The following BMPR1A variants were observed in gnomAD, a reference collection of about 807,000 sequenced individuals.
BMPR1A encodes bone morphogenetic protein receptor type 1A.
Under a neutral mutation model 66.0 loss-of-function variants are expected in BMPR1A, and 7 were observed. The observed-to-expected ratio is 0.11, with a 90% CI of 0.06 to 0.20. The LOEUF is 0.20. Among genes scored for constraint, BMPR1A ranks in the 10% least tolerant of loss-of-function variants. BMPR1A has a pLI of 1.00. For missense variants in BMPR1A, 408 were observed against 669.1 expected, an observed-to-expected ratio of 0.61 and a Z score of 4.31; for synonymous variants, 200 against 229.7, an observed-to-expected ratio of 0.87 and a Z score of 1.17.
chr10:86,759,968 C>G (rs1357356923), intron 1 of BMPR1A, among the ~76,000 whole-genome samples: 1 of 143,382 alleles, frequency 7.0e-6, no homozygotes, highest in African/African-American at 2.6e-5. Flanking sequence ...CCCCCACCAC[C>G]CCGCGACTCC....
chr10:86,887,572 G>A lies in BMPR1A; in HGVS notation c.68-2490G>A, dbSNP rs147596525. 6.0e-4 allele frequency among the ~76,000 whole-genome samples: 92 copies of A among 152,246 alleles called. 1 individual carries two copies. In the East Asian group the frequency reaches 0.013, roughly 21 times the overall value. ...GGAATTATTATCCCCATTTTCTATA[G>A]ATAGCTGAGGTTCAGAGAGTAACTT... On this transcript the variant is annotated intron_variant, in intron 3 of 12. Transcript: ENST00000372037.
At chr10:86,830,203 G>C (rs753694376) in intron 1 of BMPR1A, among the ~76,000 whole-genome samples, 1 of 152,220 alleles carries the variant, frequency 6.6e-6, no homozygotes, top group Non-Finnish European at 1.5e-5. Flanking sequence ...GACAGGCCAA[G>C]GTGATCAGAC....
At position 86,765,247 on chromosome 10, in the gene BMPR1A, GGAGGCC is replaced by G. The variant is rs1841143323; in HGVS notation, c.-268+8334_-268+8339del. The stretch of plus-strand genomic sequence containing the variant: ...TCACGCCTGTAATCCCAGCACTTTG[GGAGGCC>G]GAGGCGGGAGGATCACGAGGTCAGG... On this transcript the variant is annotated intron_variant, in intron 1 of 12. Coordinates refer to ENST00000372037, the MANE Select transcript of BMPR1A (RefSeq NM_004329.3). 7.2e-5 allele frequency among the ~76,000 whole-genome samples: 11 copies of G among 152,162 alleles called. No individual in the cohort carries two copies. In the South Asian group the frequency reaches 2.3e-3, roughly 32 times the overall value.
intron 2 of BMPR1A, among the ~76,000 whole-genome samples, chr10:86,860,686 C>G (rs1284915349): frequency 6.7e-6 from 1 of 150,138 alleles, no homozygotes; most frequent in East Asian, 2.0e-4. Flanking sequence ...AGGAGAATTG[C>G]TTGAACCTGG....
At chr10:86,895,830 C>A (rs1843216746) in intron 5 of BMPR1A, among the ~76,000 whole-genome samples, 1 of 152,060 alleles carries the variant, frequency 6.6e-6, no homozygotes, top group Non-Finnish European at 1.5e-5. Context: ...AAGTTTGAGA[C>A]CAGCCTGGGC....
At chr10:86,770,403 G>A (rs1841237006) in intron 1 of BMPR1A, among the ~76,000 whole-genome samples, 1 of 152,104 alleles carries the variant, frequency 6.6e-6, no homozygotes, top group Non-Finnish European at 1.5e-5. Flanking sequence ...GAGAGACCCT[G>A]TCTCAAAACC....
At chr10:86,824,714 G>A (rs193061020) in intron 1 of BMPR1A, among the ~76,000 whole-genome samples, 3 of 152,252 alleles carry the variant, frequency 2.0e-5, no homozygotes, top group Admixed American at 6.5e-5. Flanking sequence ...TTGGGTGGGT[G>A]ACAGTTGGGT....
chr10:86,790,234 T>TATATATATATGTAA (rs1190481905), intron 1 of BMPR1A, among the ~76,000 whole-genome samples: 2 of 48,016 alleles, frequency 4.2e-5, no homozygotes, highest in East Asian at 1.1e-3. Context: ...TATATATATA[T>TATATATATATGTAA]ATCAAAACCA....
At chr10:86,773,564 C>T (rs1363206864) in intron 1 of BMPR1A, among the ~76,000 whole-genome samples, 3 of 143,036 alleles carry the variant, frequency 2.1e-5, no homozygotes, top group Non-Finnish European at 4.5e-5. Context: ...CTGCATTGCA[C>T]TCCAGCAACA....
chr10:86,815,677 G>A (rs73348038), intron 1 of BMPR1A, among the ~76,000 whole-genome samples: 2,535 of 152,296 alleles, frequency 0.017, 76 homozygotes, highest in African/African-American at 0.058. Flanking sequence ...ATATGAAATA[G>A]CGATACCCTG....
intron 2 of BMPR1A, chr10:86,855,908 C>T (rs914113738): frequency 1.5e-6 from 1 of 665,878 alleles, no homozygotes. Context: ...TTCAAACTGG[C>T]TAGGATTGTT....
chr10:86,905,832 G>T (rs540045655), intron 7 of BMPR1A, among the ~76,000 whole-genome samples: 2 of 150,940 alleles, frequency 1.3e-5, no homozygotes, highest in African/African-American at 4.9e-5. Flanking sequence ...AAATTGCCAA[G>T]TAATGTTTTA....
downstream of BMPR1A, chr10:86,930,861 C>T (rs1292464492): frequency 6.6e-6 from 1 of 152,206 alleles, no homozygotes; most frequent in Non-Finnish European, 1.5e-5. Context: ...CCACCTCAGC[C>T]TCCTGAGTAG....
intron 1 of BMPR1A, among the ~76,000 whole-genome samples, chr10:86,779,171 T>C (rs1841399308): frequency 6.6e-6 from 1 of 152,198 alleles, no homozygotes; most frequent in Admixed American, 6.5e-5. Context: ...CTAACCCATA[T>C]CTAGGCTGTT....
At chr10:86,874,060 C>T (rs978916776) in intron 2 of BMPR1A, among the ~76,000 whole-genome samples, 2 of 152,078 alleles carry the variant, frequency 1.3e-5, no homozygotes, top group African/African-American at 2.4e-5. Context: ...GAAATCACAC[C>T]AGGGTCATTG....
intron 2 of BMPR1A, among the ~76,000 whole-genome samples, chr10:86,844,455 C>T (rs940276313): frequency 2.0e-5 from 3 of 152,124 alleles, no homozygotes; most frequent in Non-Finnish European, 4.4e-5. Flanking sequence ...CAGTAGAATT[C>T]GATGGTTCCA....
intron 2 of BMPR1A, among the ~76,000 whole-genome samples, chr10:86,848,943 T>G (rs754124110): frequency 3.3e-5 from 5 of 152,216 alleles, no homozygotes; most frequent in Admixed American, 6.5e-5. Context: ...TGCCTCTTGG[T>G]TGGGATGGTT....
intron 7 of BMPR1A, among the ~76,000 whole-genome samples, chr10:86,906,165 C>G (rs1843383865): frequency 6.6e-6 from 1 of 152,098 alleles, no homozygotes; most frequent in African/African-American, 2.4e-5. Flanking sequence ...AGTTTGTTTC[C>G]CTTAAAGCTG....
intron 1 of BMPR1A, among the ~76,000 whole-genome samples, chr10:86,833,461 C>A (rs139934184): frequency 3.9e-5 from 6 of 152,242 alleles, no homozygotes; most frequent in Admixed American, 3.9e-4. Context: ...TGTATCAGAG[C>A]TAGAATGAGC....
Sources: gnomAD v4.1 joint callset for allele counts (sites outside exome capture counted in the v4.1 genomes callset) on GRCh38, gnomAD v4.1.1 for gene constraint, MANE v1.5 for transcripts, NCBI Gene and HGNC (gene_info 2026-07-23, HGNC 2026-07-21) for gene names.